EPHX1: variants seen among roughly 807,000 people sequenced by gnomAD.
EPHX1 encodes epoxide hydratase.
EPHX1 carries 40 observed loss-of-function variants against 43.2 expected under a neutral mutation model. The ratio of observed to expected loss-of-function variants is 0.93; its 90% CI spans 0.72 to 1.21. The LOEUF (loss-of-function observed/expected upper bound fraction) is 1.21, where lower values mean the gene tolerates loss of function less well. EPHX1 is among the 50% of genes most tolerant of loss of function. EPHX1 has a pLI of 0.00. For missense variants in EPHX1, 550 were observed against 570.4 expected, an observed-to-expected ratio of 0.96 and a Z score of 0.36; for synonymous variants, 221 against 226.7, an observed-to-expected ratio of 0.98 and a Z score of 0.22.
At chr1:225,839,097 A>G (rs1668151945) in intron 4 of EPHX1, 120 bp from the exon 5 acceptor site, 3 of 1,526,460 alleles carry the variant, frequency 2.0e-6, no homozygotes, top group Non-Finnish European at 2.7e-6. Flanking sequence ...TGCCTCTGTG[A>G]GCTTTTCTGA....
chr1:225,812,613 C>T (rs966852129), intron 1 of EPHX1, among the ~76,000 whole-genome samples: 9 of 152,238 alleles, frequency 5.9e-5, no homozygotes, highest in Non-Finnish European at 1.2e-4. Flanking sequence ...TTGGTGATTG[C>T]TCACCTGGCA....
chr1:225,816,358 T>A (rs1666725772), intron 1 of EPHX1, among the ~76,000 whole-genome samples: 1 of 152,190 alleles, frequency 6.6e-6, no homozygotes, highest in East Asian at 1.9e-4. Context: ...AAAAAGAGAA[T>A]GTCAAGGACT....
intron 7 of EPHX1, 63 bp downstream of exon 7, chr1:225,842,537 C>T: frequency 8.8e-7 from 1 of 1,137,792 alleles, no homozygotes; most frequent in South Asian, 1.2e-5. Context: ...TCCTCACCCT[C>T]TTCATCCCCT....
intron 3 of EPHX1, 52 bp from the exon 4 acceptor site, chr1:225,838,602 C>T: frequency 6.6e-7 from 1 of 1,521,012 alleles, no homozygotes; most frequent in East Asian, 2.3e-5. Context: ...CAGAGCCTGA[C>T]CGTGCAGGGT....
chr1:225,839,938 G>C lies in EPHX1; in HGVS notation c.832G>C (p.Asp278His), dbSNP rs745893272. Residue 278 changes from aspartate to histidine, a missense_variant, in exon 6 of 9, where the codon GAT becomes CAT. Coordinates refer to ENST00000272167, the MANE Select transcript of EPHX1 (RefSeq NM_001136018.4). ...FGRFLGLTER[D>H]VELLYPVKEK... is the part of the protein sequence containing the mutation. ...GAGGTTTCTTGGCCTCACTGAGAGG[G>C]ATGTGGAGCTGCTGTACCCCGTCAA... is the stretch of plus-strand genomic sequence containing the variant. 1 of 1,614,220 alleles carries C rather than the reference G, an allele frequency of 6.2e-7. No individual in the cohort carries two copies. Among genetic ancestry groups the C allele is most frequent in the Non-Finnish European group, 8.5e-7 (1 of 1,180,034 alleles).
At position 225,845,340 on chromosome 1, in the gene EPHX1, G is replaced by A. The variant is rs2234701; in HGVS notation, c.1361G>A (p.Arg454Gln). The A allele has an allele frequency of 1.9e-4, 313 of 1,609,100 alleles. No individual in the cohort carries two copies. Among genetic ancestry groups the A allele is most frequent in the Middle Eastern group, 6.8e-4 (3 of 4,440 alleles). Residue 454 changes from arginine (R) to glutamine (Q), a missense_variant, in exon 9 of 9, where the codon CGG (arginine) becomes CAG (glutamine). By Grantham distance (43) the Arg-to-Gln change is conservative (BLOSUM62 1). Coordinates refer to ENST00000272167, the MANE Select transcript of EPHX1 (RefSeq NM_001136018.4). ...DIRKFLSVLERQ is the reference protein window; with the variant it reads ...DIRKFLSVLEQQ ...CGCAAGTTCCTGTCGGTGCTGGAGC[G>A]GCAATGACCCACCCCTCTCCCCCCG...
intron 8 of EPHX1, 79 bp downstream of exon 8, chr1:225,844,702 C>G: frequency 6.3e-7 from 1 of 1,590,046 alleles, no homozygotes; most frequent in South Asian, 1.1e-5. Context: ...CCACGAAGGG[C>G]ACTTGGTGGT....
intron 3 of EPHX1, among the ~76,000 whole-genome samples, chr1:225,832,891 G>C (rs956901799): frequency 2.0e-5 from 3 of 152,090 alleles, no homozygotes; most frequent in Non-Finnish European, 4.4e-5. Flanking sequence ...TCCATTTTTT[G>C]GGTGTTTTAT....
chr1:225,830,027 A>C (rs1667491118), intron 2 of EPHX1, among the ~76,000 whole-genome samples: 1 of 152,102 alleles, frequency 6.6e-6, no homozygotes, highest in East Asian at 1.9e-4. Context: ...GCAGTGAGCC[A>C]AGATCACACC....
At chr1:225,844,471 G>A (rs200175043) in intron 7 of EPHX1, 27 bp from the exon 8 acceptor site, 20 of 1,613,658 alleles carry the variant, frequency 1.2e-5, no homozygotes, top group Admixed American at 1.7e-5. Flanking sequence ...GGCACTGAGA[G>A]TGGGGCTTTG....
At position 225,845,128 on chromosome 1, in the gene EPHX1, C is replaced by T. The variant is rs562175936; in HGVS notation, c.1167-18C>T. 31 of 1,613,624 alleles carry T rather than the reference C, an allele frequency of 1.9e-5. No homozygotes were observed. The South Asian group carries it at 2.4e-4, about 13-fold the overall frequency. On this transcript the variant is annotated intron_variant, in intron 8 of 8. Coordinates refer to ENST00000272167, the MANE Select transcript of EPHX1 (RefSeq NM_001136018.4). ...CAGGGCCACAGCCTCACCCCTCCGT[C>T]GGCTCTTTCACTTCCAGGATGAAGG...
chr1:225,839,394 TG>T, intron 5 of EPHX1, 48 bp downstream of exon 5: 2 of 1,607,578 alleles, frequency 1.2e-6, no homozygotes. Context: ...TGTGTGTGTG[TG>T]TGTGTGTCCT....
chr1:225,844,600 C>A lies in EPHX1; in HGVS notation c.1143C>A (p.Gly381=). The A allele has an allele frequency of 6.2e-7, 1 of 1,614,172 alleles. No individual in the cohort carries two copies. The highest frequency in any genetic ancestry group is 1.1e-5 in the South Asian group (1 of 91,082). ...TCTACAAGGAGAACCTGGGACAGGG[C>A]TGGATGACCCAGAAGCATGAGCGGT... The part of the protein sequence containing the change: ...QRFYKENLGQ[G]WMTQKHERMK... Residue 381 remains glycine, a synonymous_variant, in exon 8 of 9, where the codon GGC becomes GGA. Coordinates refer to ENST00000272167, the MANE Select transcript of EPHX1 (RefSeq NM_001136018.4).
At chr1:225,829,088 G>C (rs547492974) in intron 2 of EPHX1, among the ~76,000 whole-genome samples, 176 bp downstream of exon 2, 11 of 152,064 alleles carry the variant, frequency 7.2e-5, no homozygotes, top group Non-Finnish European at 1.6e-4. Context: ...TTGCTTTGGA[G>C]AGGGATGCCC....
chr1:225,844,713 G>A (rs1409109890), intron 8 of EPHX1, 90 bp downstream of exon 8: 5 of 1,576,514 alleles, frequency 3.2e-6, no homozygotes, highest in Admixed American at 3.6e-5. Context: ...ACTTGGTGGT[G>A]GGATAAGTAT....
chr1:225,820,859 C>T (rs943243923), intron 1 of EPHX1, among the ~76,000 whole-genome samples: 4 of 151,950 alleles, frequency 2.6e-5, no homozygotes, highest in African/African-American at 4.8e-5. Flanking sequence ...ATCTGTTATC[C>T]GTTTGTCTGC....
intron 3 of EPHX1, among the ~76,000 whole-genome samples, chr1:225,837,611 A>G (rs1668037057): frequency 6.6e-6 from 1 of 152,068 alleles, no homozygotes. Context: ...TCTGCTTCCC[A>G]GGTTCAAGCG....
chr1:225,839,366 GGTGTGT>G lies in EPHX1; in HGVS notation c.722+51_722+56del, dbSNP rs34868815. ...GCCCAGGTGAGGTCACTGTTGGGGT[GGTGTGT>G]GTGTGTGTGTGTGTGTGTGTGTGTG... On this transcript the variant is annotated intron_variant, in intron 5 of 8. Coordinates refer to ENST00000272167, the MANE Select transcript of EPHX1 (RefSeq NM_001136018.4). The G allele has an allele frequency of 5.8e-3, 9,098 of 1,558,216 alleles. No homozygotes were observed. The highest frequency in any genetic ancestry group is 0.01 in the African/African-American group (728 of 70,760).
At chr1:225,823,793 G>A (rs947137840) in intron 1 of EPHX1, among the ~76,000 whole-genome samples, 6 of 152,086 alleles carry the variant, frequency 3.9e-5, no homozygotes, top group African/African-American at 7.2e-5. Flanking sequence ...GGCGATGTTC[G>A]CTTTCACCAG....
Sources: allele counts gnomAD v4.1 joint callset (sites outside exome capture counted in the v4.1 genomes callset), GRCh38; gene constraint gnomAD v4.1.1; transcripts MANE v1.5; gene names NCBI Gene and HGNC (gene_info 2026-07-23, HGNC 2026-07-21).